The following RNF152 variants were observed in gnomAD, a reference collection of about 807,000 sequenced individuals.
The protein encoded by RNF152 is ring finger protein 152.
A neutral mutation model predicts 12.7 loss-of-function variants in RNF152; 11 were observed. The ratio of observed to expected loss-of-function variants is 0.86; its 90% CI spans 0.54 to 1.43. The LOEUF is 1.43. Among genes scored for constraint, RNF152 ranks in the 40% most tolerant of loss-of-function variants. The probability of loss-of-function intolerance (pLI) is 0.00; values close to 1 mark genes in which losing one functional copy is unlikely to be tolerated. For missense variants in RNF152, 255 were observed against 274.8 expected (o/e 0.93, Z 0.51); for synonymous variants, 113 against 120.3 (o/e 0.94, Z 0.40).
chr18:61,844,077 GGAAA>G (rs35978592), intron 1 of RNF152, among the ~76,000 whole-genome samples: 12,890 of 68,198 alleles, frequency 0.19, 1,025 homozygotes, highest in African/African-American at 0.21. Flanking sequence ...CAGAAAGAAA[GGAAA>G]GAAAGAAAGA....
Position 61,812,473 on chromosome 18 carries a change from C to T in RNF152, c.*3379G>A, listed in dbSNP as rs1323013325. ...AGAAAACATCTTAGAGCTTTCTGAT[C>T]ATTAAGTATGACTGGAACCAAAAAC... On this transcript the variant is annotated 3_prime_UTR_variant, in exon 2 of 2. Transcript: ENST00000312828. 1 of 152,174 alleles carries T rather than the reference C, an allele frequency of 6.6e-6. No individual in the cohort carries two copies. The highest frequency in any genetic ancestry group is 1.5e-5 in the Non-Finnish European group (1 of 68,026). The allele number at this position is 152,174 out of a possible 1,614,324, so 9.4% of individuals were successfully genotyped here.
At chr18:61,856,763 T>G (rs1224838434) in intron 1 of RNF152, among the ~76,000 whole-genome samples, 2 of 152,132 alleles carry the variant, frequency 1.3e-5, no homozygotes, top group African/African-American at 4.8e-5. Flanking sequence ...GCTGCTGACA[T>G]CTCTGGGGAT....
chr18:61,827,496 T>TA (rs543736392), intron 1 of RNF152, among the ~76,000 whole-genome samples: 1 of 152,164 alleles, frequency 6.6e-6, no homozygotes, highest in Non-Finnish European at 1.5e-5. Flanking sequence ...TTTCACACAT[T>TA]AAAAAATATA....
intron 1 of RNF152, among the ~76,000 whole-genome samples, chr18:61,855,050 G>A (rs550791075): frequency 6.6e-6 from 1 of 152,306 alleles, no homozygotes; most frequent in South Asian, 2.1e-4. Context: ...TAATGGTGGT[G>A]GGGAGAGGGA....
intron 1 of RNF152, among the ~76,000 whole-genome samples, chr18:61,822,743 C>A (rs187231813): frequency 6.6e-6 from 1 of 152,070 alleles, no homozygotes; most frequent in African/African-American, 2.4e-5. Context: ...ATCGGGCTGA[C>A]CTTGAAGTGT....
chr18:61,811,578 A>C lies in RNF152; in HGVS notation c.*4274T>G, dbSNP rs1203820669. 6.6e-6 allele frequency: 1 copy of C among 152,234 alleles called. No homozygotes were observed. Among genetic ancestry groups the C allele is most frequent in the Non-Finnish European group, 1.5e-5 (1 of 68,038 alleles). The allele number at this position is 152,234 out of a possible 1,614,324, so 9.4% of individuals were successfully genotyped here. Reference sequence around the variant, plus strand: ...GTTTGGCATCTGAAAAATGATGCCCACATATGCCCACACCAAATACAACGA... The same window carrying C: ...GTTTGGCATCTGAAAAATGATGCCCCCATATGCCCACACCAAATACAACGA... On this transcript the variant is annotated 3_prime_UTR_variant, in exon 2 of 2. Coordinates refer to ENST00000312828, the MANE Select transcript of RNF152 (RefSeq NM_173557.3).
chr18:61,859,381 T>C (rs1911361619), intron 1 of RNF152, among the ~76,000 whole-genome samples: 1 of 152,150 alleles, frequency 6.6e-6, no homozygotes, highest in Non-Finnish European at 1.5e-5. Flanking sequence ...TTTCACACAC[T>C]GTTCCCAGGG....
intron 1 of RNF152, among the ~76,000 whole-genome samples, chr18:61,831,523 A>G (rs1268275142): frequency 6.6e-6 from 1 of 152,094 alleles, no homozygotes; most frequent in African/African-American, 2.4e-5. Context: ...AGAATATTCA[A>G]CTTTCTAAGG....
intron 1 of RNF152, among the ~76,000 whole-genome samples, chr18:61,827,463 C>T (rs1223637768): frequency 6.6e-6 from 1 of 152,142 alleles, no homozygotes; most frequent in Non-Finnish European, 1.5e-5. Flanking sequence ...CAAAAACCTA[C>T]CTAACTGTTA....
At chr18:61,858,892 C>T (rs1911339773) in intron 1 of RNF152, among the ~76,000 whole-genome samples, 1 of 152,158 alleles carries the variant, frequency 6.6e-6, no homozygotes, top group African/African-American at 2.4e-5. Flanking sequence ...GGTCAGCAAG[C>T]CTGAGACAAA....
intron 1 of RNF152, among the ~76,000 whole-genome samples, chr18:61,890,912 C>G (rs1912928370): frequency 6.6e-6 from 1 of 152,334 alleles, no homozygotes; most frequent in Middle Eastern, 3.4e-3. Flanking sequence ...AAGCAGTGAG[C>G]TCCTCAATGA....
At chr18:61,885,487 T>C (rs1912649264) in intron 1 of RNF152, among the ~76,000 whole-genome samples, 2 of 152,090 alleles carry the variant, frequency 1.3e-5, no homozygotes, top group Non-Finnish European at 1.5e-5. Flanking sequence ...TTTGTATTTT[T>C]AGTAGAGATG....
Position 61,863,338 on chromosome 18 carries a change from C to T in RNF152, c.-136+29457G>A, listed in dbSNP as rs187375465. 2.0e-3 allele frequency among the ~76,000 whole-genome samples: 297 copies of T among 150,654 alleles called. 1 individual carries two copies. The highest frequency in any genetic ancestry group is 3.3e-3 in the Admixed American group (49 of 14,992). On this transcript the variant is annotated intron_variant, in intron 1 of 1. Transcript: ENST00000312828. ...TAGTCCCAGCTACTCGGGAGGCTGA[C>T]GCAGGAGAATCACTTGAACCTGGGA...
intron 1 of RNF152, among the ~76,000 whole-genome samples, chr18:61,844,122 G>GAAAGAAAA (rs1568275414): frequency 4.4e-5 from 5 of 113,632 alleles, no homozygotes; most frequent in Admixed American, 9.2e-5. Context: ...AAGAAAGAAA[G>GAAAGAAAA]AAAGAAAGAA....
At chr18:61,828,582 A>T (rs544234388) in intron 1 of RNF152, among the ~76,000 whole-genome samples, 26 of 152,184 alleles carry the variant, frequency 1.7e-4, no homozygotes, top group Middle Eastern at 6.8e-3. Context: ...ACACCATTGC[A>T]CTGGCAAATT....
At chr18:61,853,560 G>A (rs926088805) in intron 1 of RNF152, among the ~76,000 whole-genome samples, 2 of 152,060 alleles carry the variant, frequency 1.3e-5, no homozygotes, top group Non-Finnish European at 2.9e-5. Context: ...CCAAAGTGCC[G>A]GGATTACAGG....
At chr18:61,885,309 G>GC (rs1912637114) in intron 1 of RNF152, among the ~76,000 whole-genome samples, 1 of 88,858 alleles carries the variant, frequency 1.1e-5, no homozygotes, top group South Asian at 3.7e-4. Context: ...AACTGAGAGT[G>GC]TTTTGTTTGT....
At chr18:61,836,467 G>A (rs1387238843) in intron 1 of RNF152, among the ~76,000 whole-genome samples, 1 of 152,162 alleles carries the variant, frequency 6.6e-6, no homozygotes, top group African/African-American at 2.4e-5. Flanking sequence ...GATGGGATTA[G>A]TGCCCTTATA....
At chr18:61,834,094 G>A (rs1568270061) in intron 1 of RNF152, among the ~76,000 whole-genome samples, 1 of 152,212 alleles carries the variant, frequency 6.6e-6, no homozygotes, top group East Asian at 1.9e-4. Flanking sequence ...CTGGGTAGTT[G>A]TCCAATCTTA....
Sources: gnomAD v4.1 joint callset for allele counts (sites outside exome capture counted in the v4.1 genomes callset) on GRCh38, gnomAD v4.1.1 for gene constraint, MANE v1.5 for transcripts, NCBI Gene and HGNC (gene_info 2026-07-23, HGNC 2026-07-21) for gene names.